Variants in ASAP1 observed in about 807,000 individuals in gnomAD.
The protein encoded by ASAP1 is arf-GAP with SH3 domain, ANK repeat and PH domain-containing protein 1.
ASAP1 carries 43 observed loss-of-function variants against 145.2 expected under a neutral mutation model. That is an observed-to-expected ratio of 0.30 (90% confidence interval 0.23 to 0.38). The LOEUF is 0.38. ASAP1 is among the 10% of genes least tolerant of loss of function. The pLI is 1.00. For missense variants in ASAP1, 1,018 were observed against 1,355.3 expected, an observed-to-expected ratio of 0.75 and a Z score of 3.91; for synonymous variants, 546 against 515.5, an observed-to-expected ratio of 1.06 and a Z score of -0.80.
rs181395814 is a variant in ASAP1, at chr8:130,276,111, T to C, written c.187-39117A>G. Among the ~76,000 whole-genome samples, 11 of 152,274 alleles carry C rather than the reference T, an allele frequency of 7.2e-5. No homozygotes were observed. In the East Asian group the frequency reaches 1.9e-3, roughly 27 times the overall value. On this transcript the variant is annotated intron_variant, in intron 3 of 29. Coordinates refer to ENST00000518721, the MANE Select transcript of ASAP1 (RefSeq NM_018482.4). The stretch of plus-strand genomic sequence containing the variant: ...GGATGCTTTGCCCTGACAAAAGATG[T>C]CACAAAAAGAACCCTGCGGGCCTGA...
At chr8:130,183,283 C>G (rs550412214) in intron 7 of ASAP1, among the ~76,000 whole-genome samples, 1 of 151,814 alleles carries the variant, frequency 6.6e-6, no homozygotes, top group South Asian at 2.1e-4. Flanking sequence ...ATTAGCAATA[C>G]TGGAAAGTAG....
intron 3 of ASAP1, among the ~76,000 whole-genome samples, chr8:130,318,527 A>G (rs557360623): frequency 6.6e-6 from 1 of 152,350 alleles, no homozygotes; most frequent in East Asian, 1.9e-4. Flanking sequence ...TCATAGCAAC[A>G]CAATGAGTCG....
chr8:130,152,705 T>C, intron 13 of ASAP1, 31 bp downstream of exon 13: 1 of 1,562,916 alleles, frequency 6.4e-7, no homozygotes, highest in Non-Finnish European at 8.8e-7. Flanking sequence ...TTCTGGCCCA[T>C]GAGGCAGGGT....
At chr8:130,352,412 T>C (rs774244319) in intron 3 of ASAP1, among the ~76,000 whole-genome samples, 68 of 152,148 alleles carry the variant, frequency 4.5e-4, no homozygotes, top group African/African-American at 6.5e-4. Context: ...AGAAATCCTA[T>C]GCGTAAGATT....
intron 3 of ASAP1, among the ~76,000 whole-genome samples, chr8:130,341,217 C>T (rs1825362397): frequency 6.6e-6 from 1 of 152,060 alleles, no homozygotes; most frequent in African/African-American, 2.4e-5. Flanking sequence ...GTGCAGGGCG[C>T]CAGGAAGGCC....
At chr8:130,401,789 G>A in intron 2 of ASAP1, 96 bp downstream of exon 2, 5 of 1,134,740 alleles carry the variant, frequency 4.4e-6, no homozygotes, top group Non-Finnish European at 6.5e-6. Flanking sequence ...TCCAGTGCTT[G>A]TGTTTGATAA....
intron 3 of ASAP1, among the ~76,000 whole-genome samples, chr8:130,318,018 C>A (rs913902973): frequency 6.6e-6 from 1 of 152,160 alleles, no homozygotes; most frequent in Admixed American, 6.5e-5. Context: ...AGAAAGCATC[C>A]ACTGATAGAG....
At position 130,401,973 on chromosome 8, in the gene ASAP1, G is replaced by C; in HGVS notation, c.-27-3C>G. The C allele has an allele frequency of 1.2e-6, 2 of 1,604,936 alleles. No homozygotes were observed. The highest frequency in any genetic ancestry group is 8.5e-7 in the Non-Finnish European group (1 of 1,174,070). On this transcript the variant is annotated splice_polypyrimidine_tract_variant and splice_region_variant and intron_variant, in intron 1 of 29. Coordinates refer to ENST00000518721, the MANE Select transcript of ASAP1 (RefSeq NM_018482.4). ...CAGCCGTCACATCAGAAAACGACCTGGATAGGGGGCAGGACAAAAAGGGGA... is the reference window on the plus strand; with the variant it reads ...CAGCCGTCACATCAGAAAACGACCTCGATAGGGGGCAGGACAAAAAGGGGA...
In ASAP1 at chr8:130,358,057, C is replaced by A; in HGVS notation, c.146G>T (p.Arg49Leu). ...GACGGTGTTCCTGCAGTTGTGCAGC[C>A]GCGTGGTGAAGCTGGACGTGGTGGG... ...NSPTTSSFTTRLHNCRNTVTL... is the reference protein window; with the variant it reads ...NSPTTSSFTTLLHNCRNTVTL... Residue 49 changes from arginine to leucine, a missense_variant, in exon 3 of 30, where the codon CGG becomes CTG. Arg to Leu is a moderately radical substitution (Grantham distance 102). This residue lies in a region of ASAP1 where 106 missense variants were observed against 134.5 expected (regional missense o/e 0.79). Transcript: ENST00000518721. The surrounding 1 kb of genome is among the most constrained non-coding windows in gnomAD (Gnocchi z 4.1). 6.2e-7 allele frequency: 1 copy of A among 1,610,838 alleles called. No homozygotes were observed. The highest frequency in any genetic ancestry group is 8.5e-7 in the Non-Finnish European group (1 of 1,178,954).
chr8:130,109,460 GTCTGTT>G (rs199809080), intron 24 of ASAP1, among the ~76,000 whole-genome samples: 1,925 of 152,150 alleles, frequency 0.013, 42 homozygotes, highest in African/African-American at 0.043. Flanking sequence ...TATCTCAAGT[GTCTGTT>G]TCTGTCTCAC....
chr8:130,237,403 A>T (rs1264443409), intron 3 of ASAP1, among the ~76,000 whole-genome samples: 1 of 152,134 alleles, frequency 6.6e-6, no homozygotes, highest in Admixed American at 6.6e-5. Flanking sequence ...CCTAAATGGT[A>T]ATTTTAGCCA....
chr8:130,261,687 G>T (rs1819908100), intron 3 of ASAP1, among the ~76,000 whole-genome samples: 1 of 152,120 alleles, frequency 6.6e-6, no homozygotes, highest in African/African-American at 2.4e-5. Context: ...AGTCAACAGA[G>T]AGTAAGAACT....
At chr8:130,350,971 A>AT (rs1178327445) in intron 3 of ASAP1, among the ~76,000 whole-genome samples, 1 of 152,218 alleles carries the variant, frequency 6.6e-6, no homozygotes, top group Non-Finnish European at 1.5e-5. Context: ...CAACAGGGTC[A>AT]TTTTCACATC....
intron 3 of ASAP1, among the ~76,000 whole-genome samples, chr8:130,250,978 C>T (rs1359687602): frequency 1.3e-5 from 2 of 152,110 alleles, no homozygotes; most frequent in Non-Finnish European, 2.9e-5. Context: ...TTTAAAGAAA[C>T]ATGTTTAACT....
chr8:130,387,504 C>T (rs1388510731), intron 2 of ASAP1, among the ~76,000 whole-genome samples: 1 of 151,572 alleles, frequency 6.6e-6, no homozygotes, highest in Non-Finnish European at 1.5e-5. Flanking sequence ...CCACTGCACT[C>T]CAGCCTGGGT....
chr8:130,214,290 A>G (rs1388365023), intron 5 of ASAP1, among the ~76,000 whole-genome samples: 1 of 152,184 alleles, frequency 6.6e-6, no homozygotes, highest in African/African-American at 2.4e-5. Flanking sequence ...TTTCTCTCTC[A>G]GCTTCGATAA....
At chr8:130,322,946 T>A (rs1428480341) in intron 3 of ASAP1, among the ~76,000 whole-genome samples, 1 of 152,146 alleles carries the variant, frequency 6.6e-6, no homozygotes, top group South Asian at 2.1e-4. Context: ...AAAACACCCA[T>A]AGGACCAGTT....
intron 2 of ASAP1, among the ~76,000 whole-genome samples, chr8:130,397,845 G>A (rs1487592424): frequency 6.6e-6 from 1 of 152,210 alleles, no homozygotes; most frequent in African/African-American, 2.4e-5. Context: ...CTGGTGGCTG[G>A]TAATCTGAAT....
At chr8:130,423,411 G>A (rs1342230150) in intron 1 of ASAP1, among the ~76,000 whole-genome samples, 1 of 152,180 alleles carries the variant, frequency 6.6e-6, no homozygotes, top group Non-Finnish European at 1.5e-5. Flanking sequence ...CTGGAGGGTG[G>A]CTTGGTAATA....
Sources: gnomAD v4.1 joint callset for allele counts (sites outside exome capture counted in the v4.1 genomes callset) on GRCh38, gnomAD v4.1.1 for gene constraint, gnomAD v4.1.1 regional missense constraint, Gnocchi (gnomAD v3.1) non-coding constraint, MANE v1.5 for transcripts, NCBI Gene and HGNC (gene_info 2026-07-23, HGNC 2026-07-21) for gene names.